The following GPC3 variants were observed in gnomAD, a reference collection of about 807,000 sequenced individuals.
GPC3 encodes glypican 3, also known as glypican-3.
In GPC3, 3 loss-of-function variants were observed where a neutral mutation model predicts 34.4. That is an observed-to-expected ratio of 0.09 (90% CI 0.04 to 0.23). GPC3 has a LOEUF of 0.23. Among genes scored for constraint, GPC3 ranks in the 10% least tolerant of loss-of-function variants. GPC3 has a pLI of 1.00. For synonymous variants in GPC3, 177 were observed against 174.0 expected (o/e 1.02, Z -0.13); for missense variants, 351 against 445.6 (o/e 0.79, Z 1.91).
chrX:133,782,424 C>T (rs1475804468), intron 2 of GPC3, among the ~76,000 whole-genome samples: 2 of 112,107 alleles, frequency 1.8e-5, no homozygotes, highest in Non-Finnish European at 3.8e-5. Flanking sequence ...ACAAGGCCAA[C>T]AGAGCAAGTC....
At chrX:133,833,713 T>C (rs1433858279) in intron 2 of GPC3, among the ~76,000 whole-genome samples, 4 of 112,606 alleles carry the variant, frequency 3.6e-5, no homozygotes, top group Non-Finnish European at 7.5e-5. Context: ...ACTGACCGCC[T>C]ATTAAAAGGC....
At chrX:133,770,608 C>T (rs143913414) in intron 2 of GPC3, among the ~76,000 whole-genome samples, 1,163 of 111,712 alleles carry the variant, frequency 0.01, 26 homozygotes, top group African/African-American at 0.036. Context: ...AAACAGAAAG[C>T]AAGCCACCCA....
chrX:133,723,958 C>G (rs2042365456), intron 3 of GPC3, among the ~76,000 whole-genome samples: 1 of 112,384 alleles, frequency 8.9e-6, no homozygotes, highest in Admixed American at 9.4e-5. Flanking sequence ...GAGGGCATCC[C>G]AGACTACTTT....
chrX:133,796,108 C>G (rs776829859), intron 2 of GPC3, among the ~76,000 whole-genome samples: 1 of 109,504 alleles, frequency 9.1e-6, no homozygotes, highest in South Asian at 4.1e-4. Flanking sequence ...CCACGCCCGG[C>G]TAATTTTTTT....
At chrX:133,596,414 C>T in intron 7 of GPC3, 26 bp downstream of exon 7, 1 of 1,183,726 alleles carries the variant, frequency 8.4e-7, no homozygotes, top group Admixed American at 2.2e-5. Context: ...TTTTAGATTA[C>T]ATTTGGGTCA....
At chrX:133,826,837 A>G (rs1202751788) in intron 2 of GPC3, among the ~76,000 whole-genome samples, 1 of 111,851 alleles carries the variant, frequency 8.9e-6, no homozygotes, top group African/African-American at 3.2e-5. Context: ...AATAAAATTA[A>G]CAGCTGATTT....
chrX:133,721,886 G>A (rs777339065), intron 3 of GPC3, among the ~76,000 whole-genome samples: 25 of 111,542 alleles, frequency 2.2e-4, no homozygotes, highest in Non-Finnish European at 4.3e-4. Context: ...TGTCCTCTTA[G>A]ATATGACAAT....
intron 1 of GPC3, among the ~76,000 whole-genome samples, chrX:133,958,871 G>T (rs2076429774): frequency 9.6e-6 from 1 of 103,791 alleles, no homozygotes; most frequent in Admixed American, 1.0e-4. Context: ...GGGAGACAGA[G>T]TGAGACTTCG....
At chrX:133,774,495 G>A (rs1339898726) in intron 2 of GPC3, among the ~76,000 whole-genome samples, 1 of 110,594 alleles carries the variant, frequency 9.0e-6, no homozygotes, top group Admixed American at 9.7e-5. Context: ...TCCAAAGCTC[G>A]CTTAGTGACC....
chrX:133,571,758 G>A (rs970918899), intron 7 of GPC3, among the ~76,000 whole-genome samples: 44 of 111,355 alleles, frequency 4.0e-4, no homozygotes, highest in Non-Finnish European at 6.4e-4. Flanking sequence ...CTTCAGATAA[G>A]CCACAAAATA....
intron 3 of GPC3, among the ~76,000 whole-genome samples, chrX:133,716,410 C>G (rs2124450959): frequency 9.0e-6 from 1 of 111,730 alleles, no homozygotes; most frequent in East Asian, 2.8e-4. Context: ...TTAAAGGAAA[C>G]AATGCCTAAA....
chrX:133,597,002 T>G (rs1304301378), intron 6 of GPC3, among the ~76,000 whole-genome samples: 1 of 110,499 alleles, frequency 9.0e-6, no homozygotes, highest in Non-Finnish European at 1.9e-5. Flanking sequence ...ATAATCAAAT[T>G]TACAGTCACT....
chrX:133,746,307 T>C (rs767035356), intron 3 of GPC3, among the ~76,000 whole-genome samples: 1 of 112,102 alleles, frequency 8.9e-6, no homozygotes, highest in East Asian at 2.8e-4. Context: ...ATGTAAAATT[T>C]CTCTCTAAAA....
intron 3 of GPC3, among the ~76,000 whole-genome samples, chrX:133,742,599 G>A (rs977832969): frequency 3.6e-5 from 4 of 111,691 alleles, no homozygotes; most frequent in Non-Finnish European, 5.6e-5. Flanking sequence ...ATCATATAAC[G>A]TGTATAAAAT....
At chrX:133,907,904 G>C (rs1241546558) in intron 2 of GPC3, among the ~76,000 whole-genome samples, 1 of 110,526 alleles carries the variant, frequency 9.0e-6, no homozygotes, top group Non-Finnish European at 1.9e-5. Flanking sequence ...GTGTCCATTT[G>C]ACTAAATCCT....
rs1194302542 is a variant in GPC3, at chrX:133,754,032, A to G, written c.482T>C (p.Ile161Thr). The change falls in exon 3 of 8, where the codon ATC (isoleucine) becomes ACC (threonine). Residue 161 changes from isoleucine (I) to threonine (T), a missense_variant. Physicochemically the swap from Ile to Thr is moderately conservative, Grantham distance 89. Transcript: ENST00000370818. ...DVSLYILGSD[I>T]NVDDMVNELF... ...TTCATTGACCATGTCATCTACATTG[A>G]TGTCAGAACCCAAGATGTAGAGAGA... 8.3e-7 allele frequency: 1 copy of G among 1,207,979 alleles called. No individual in the cohort carries two copies. The highest frequency in any genetic ancestry group is 1.1e-6 in the Non-Finnish European group (1 of 893,557).
chrX:133,725,825 A>G (rs1018448817), intron 3 of GPC3, among the ~76,000 whole-genome samples: 2 of 111,911 alleles, frequency 1.8e-5, no homozygotes. Flanking sequence ...TGTTGGTAAC[A>G]CTGCCATGGA....
At chrX:133,709,906 C>T (rs989992082) in intron 3 of GPC3, among the ~76,000 whole-genome samples, 4 of 112,042 alleles carry the variant, frequency 3.6e-5, no homozygotes, top group African/African-American at 1.3e-4. Context: ...AATTTATAAC[C>T]TTGTACTTCA....
intron 2 of GPC3, among the ~76,000 whole-genome samples, chrX:133,886,242 C>T (rs1401207034): frequency 9.2e-6 from 1 of 109,018 alleles, no homozygotes; most frequent in Non-Finnish European, 1.9e-5. Context: ...GGTGTAGTGG[C>T]TCACACTTGT....
Sources: allele counts gnomAD v4.1 joint callset (sites outside exome capture counted in the v4.1 genomes callset), GRCh38; gene constraint gnomAD v4.1.1; transcripts MANE v1.5; gene names NCBI Gene and HGNC (gene_info 2026-07-23, HGNC 2026-07-21).